CEP85L: variants seen among roughly 807,000 people sequenced by gnomAD.
CEP85L encodes centrosomal protein 85L, also known as centrosomal protein of 85 kDa-like.
In CEP85L, 60 loss-of-function variants were observed where a neutral mutation model predicts 100.3. The observed-to-expected ratio is 0.60, with a 90% confidence interval of 0.49 to 0.74. CEP85L has a LOEUF of 0.74. Ranked by LOEUF, CEP85L falls within the 30% of genes least tolerant of loss-of-function variation. CEP85L has a pLI of 0.00. For missense variants in CEP85L, 973 were observed against 936.2 expected (o/e 1.04, Z -0.51); for synonymous variants, 319 against 322.7 (o/e 0.99, Z 0.12).
intron 1 of CEP85L, among the ~76,000 whole-genome samples, chr6:118,706,413 A>G (rs1777594692): frequency 6.6e-6 from 1 of 152,316 alleles, no homozygotes; most frequent in Non-Finnish European, 1.5e-5. Flanking sequence ...ACCTACTCTA[A>G]GGTATTCTAA....
intron 4 of CEP85L, among the ~76,000 whole-genome samples, chr6:118,520,798 C>T (rs1776620089): frequency 1.3e-5 from 2 of 152,146 alleles, no homozygotes; most frequent in Non-Finnish European, 2.9e-5. Context: ...TTCACCCAGT[C>T]AGTTAAGGAG....
At chr6:118,686,375 C>A (rs1230231596) in intron 1 of CEP85L, among the ~76,000 whole-genome samples, 1 of 152,170 alleles carries the variant, frequency 6.6e-6, no homozygotes, top group South Asian at 2.1e-4. Flanking sequence ...TACACTTACT[C>A]TTTGTTCTCA....
rs556678276 is a variant in CEP85L at position 118,465,752 on chromosome 6, T to C, written c.2255-184A>G. Among the ~76,000 whole-genome samples, 6 of 152,308 alleles carry C rather than the reference T, an allele frequency of 3.9e-5. No individual in the cohort carries two copies. In the East Asian group the frequency reaches 9.6e-4, roughly 24 times the overall value. On this transcript the variant is annotated intron_variant, in intron 12 of 12. Coordinates refer to ENST00000368491, the MANE Select transcript of CEP85L (RefSeq NM_001042475.3). The stretch of plus-strand genomic sequence containing the variant: ...AACAGATCTTATCCACTTGGTCCTT[T>C]ATAAATTTCACAAATTAAACTGAAT...
chr6:118,570,305 A>G (rs1441825165), intron 2 of CEP85L, among the ~76,000 whole-genome samples: 1 of 152,190 alleles, frequency 6.6e-6, no homozygotes, highest in Non-Finnish European at 1.5e-5. Flanking sequence ...TGTGACCTCA[A>G]AAGAGTTTAA....
intron 2 of CEP85L, among the ~76,000 whole-genome samples, chr6:118,629,823 G>A (rs1315212106): frequency 1.3e-5 from 2 of 152,150 alleles, no homozygotes; most frequent in Non-Finnish European, 2.9e-5. Flanking sequence ...AAGACAGTAA[G>A]CTGTTCATGA....
intron 5 of CEP85L, among the ~76,000 whole-genome samples, chr6:118,501,228 T>C (rs1775279220): frequency 6.6e-6 from 1 of 152,222 alleles, no homozygotes; most frequent in African/African-American, 2.4e-5. Flanking sequence ...TCCTTGCCCA[T>C]GTCTGACCAG....
intron 3 of CEP85L, chr6:118,537,675 A>G (rs1200752307): frequency 4.1e-6 from 4 of 985,268 alleles, no homozygotes; most frequent in Non-Finnish European, 4.8e-6. Context: ...GCTCCTAATA[A>G]AAGTTTACTG....
chr6:118,566,527 C>G (rs1223326652), intron 2 of CEP85L, among the ~76,000 whole-genome samples: 1 of 152,166 alleles, frequency 6.6e-6, no homozygotes, highest in Non-Finnish European at 1.5e-5. Context: ...AAGTGACTCT[C>G]CTGCCTCAGC....
intron 5 of CEP85L, among the ~76,000 whole-genome samples, chr6:118,507,132 A>G (rs186500175): frequency 6.6e-6 from 1 of 152,058 alleles, no homozygotes; most frequent in Admixed American, 6.6e-5. Flanking sequence ...CTCAACCCCA[A>G]ATTTACAATG....
chr6:118,632,551 A>C lies in CEP85L; in HGVS notation c.134T>G (p.Val45Gly). The change falls in exon 2 of 13, where the codon GTT (valine) becomes GGT (glycine). Residue 45 changes from valine (V) to glycine (G), a missense_variant. This residue lies in a region of CEP85L where 79 missense variants were observed against 73.3 expected (regional missense o/e 1.08). Transcript: ENST00000368491. ...ANESLWQATT[V>G]PSNHRNNHIR... The stretch of plus-strand genomic sequence containing the variant: ...ATGGTTATTTCGATGGTTAGATGGA[A>C]CAGTTGTGGCCTGCCACAATGATTC... 6.2e-7 allele frequency: 1 copy of C among 1,613,358 alleles called. No homozygotes were observed. The highest frequency in any genetic ancestry group is 8.5e-7 in the Non-Finnish European group (1 of 1,179,700).
At chr6:118,612,195 A>C (rs1303873400) in intron 2 of CEP85L, among the ~76,000 whole-genome samples, 1 of 152,110 alleles carries the variant, frequency 6.6e-6, no homozygotes, top group Admixed American at 6.5e-5. Context: ...AAAATCTCCA[A>C]ACACTTTGAA....
At chr6:118,584,566 A>G (rs1013853809) in intron 2 of CEP85L, among the ~76,000 whole-genome samples, 1 of 152,156 alleles carries the variant, frequency 6.6e-6, no homozygotes, top group African/African-American at 2.4e-5. Flanking sequence ...CACCCTTCCT[A>G]TAGGGAAGGA....
chr6:118,597,622 AG>A (rs1781523613), intron 2 of CEP85L, among the ~76,000 whole-genome samples: 1 of 152,268 alleles, frequency 6.6e-6, no homozygotes, highest in Admixed American at 6.5e-5. Context: ...TAACTAAATT[AG>A]TTTTAAATTA....
intron 10 of CEP85L, among the ~76,000 whole-genome samples, chr6:118,478,279 TACAA>T: frequency 6.6e-6 from 1 of 152,180 alleles, no homozygotes; most frequent in African/African-American, 2.4e-5. Flanking sequence ...AATGACCAAA[TACAA>T]ACAAAATTTG....
intron 1 of CEP85L, among the ~76,000 whole-genome samples, chr6:118,693,278 A>G (rs201633749): frequency 1.3e-5 from 2 of 152,156 alleles, no homozygotes; most frequent in East Asian, 3.9e-4. Context: ...TTTTGTTTTC[A>G]TTGAGTCAAT....
intron 1 of CEP85L, among the ~76,000 whole-genome samples, chr6:118,642,764 A>G (rs530756225): frequency 3.3e-5 from 5 of 152,130 alleles, no homozygotes; most frequent in African/African-American, 1.2e-4. Context: ...AAATATATAT[A>G]TATAATAAAT....
chr6:118,465,571 G>A lies in CEP85L; in HGVS notation c.2255-3C>T, dbSNP rs1428262260. The A allele has an allele frequency of 1.2e-6, 2 of 1,604,788 alleles. No individual in the cohort carries two copies. The highest frequency in any genetic ancestry group is 1.7e-5 in the Admixed American group (1 of 57,846). ...CTCTTCAGCTGAACAGTTCATTGCTGTGTAAATAAAACATAGAGAGAATAT... is the reference window on the plus strand; with the variant it reads ...CTCTTCAGCTGAACAGTTCATTGCTATGTAAATAAAACATAGAGAGAATAT... On this transcript the variant is annotated splice_polypyrimidine_tract_variant and splice_region_variant and intron_variant, in intron 12 of 12. Coordinates refer to ENST00000368491, the MANE Select transcript of CEP85L (RefSeq NM_001042475.3).
chr6:118,537,778 A>G (rs996412638), intron 3 of CEP85L: 26 of 985,156 alleles, frequency 2.6e-5, no homozygotes, highest in Non-Finnish European at 3.1e-5. Context: ...CTGGAATACA[A>G]CCTCTGCAAT....
At chr6:118,571,116 G>C (rs988042950) in intron 2 of CEP85L, among the ~76,000 whole-genome samples, 1 of 152,084 alleles carries the variant, frequency 6.6e-6, no homozygotes, top group Non-Finnish European at 1.5e-5. Context: ...CCTTAGAAAT[G>C]AGTCTAGAAA....
Sources: gnomAD v4.1 joint callset for allele counts (sites outside exome capture counted in the v4.1 genomes callset) on GRCh38, gnomAD v4.1.1 for gene constraint, gnomAD v4.1.1 regional missense constraint, MANE v1.5 for transcripts, NCBI Gene and HGNC (gene_info 2026-07-23, HGNC 2026-07-21) for gene names.